The following CENPP variants were observed in gnomAD, a reference collection of about 807,000 sequenced individuals.
The protein encoded by CENPP is centromere protein P.
Under a neutral mutation model 35.6 loss-of-function variants are expected in CENPP, and 24 were observed. The ratio of observed to expected loss-of-function variants is 0.67; its 90% CI spans 0.49 to 0.95. The LOEUF (loss-of-function observed/expected upper bound fraction) is 0.95, where lower values mean the gene tolerates loss of function less well. Among genes scored for constraint, CENPP ranks in the 40% least tolerant of loss-of-function variants. CENPP has a pLI of 0.00. For missense variants in CENPP, 332 were observed against 345.3 expected, an observed-to-expected ratio of 0.96 and a Z score of 0.31; for synonymous variants, 120 against 125.5, an observed-to-expected ratio of 0.96 and a Z score of 0.29.
At chr9:92,496,206 TATA>T (rs1429539295) in intron 5 of CENPP, 31 of 1,445,116 alleles carry the variant, frequency 2.1e-5, no homozygotes, top group Non-Finnish European at 2.8e-5. Context: ...TTGACTAGCA[TATA>T]ATGATACTGA....
chr9:92,356,125 A>G (rs892078188), intron 4 of CENPP, among the ~76,000 whole-genome samples: 2 of 152,234 alleles, frequency 1.3e-5, no homozygotes, highest in African/African-American at 4.8e-5. Context: ...ACTAAAAATA[A>G]CTACTGCTTA....
At chr9:92,502,447 A>G in intron 5 of CENPP, 1 of 1,564,070 alleles carries the variant, frequency 6.4e-7, no homozygotes, top group South Asian at 1.1e-5. Flanking sequence ...CAGTTTCCAT[A>G]CTCTGTTTAA....
At chr9:92,541,676 A>T (rs921417903) in intron 5 of CENPP, among the ~76,000 whole-genome samples, 1 of 151,892 alleles carries the variant, frequency 6.6e-6, no homozygotes, top group Non-Finnish European at 1.5e-5. Context: ...TTTCATATAT[A>T]CATTTTCTTT....
chr9:92,396,093 T>A (rs1273609792), intron 5 of CENPP, among the ~76,000 whole-genome samples: 3 of 152,228 alleles, frequency 2.0e-5, no homozygotes, highest in Admixed American at 6.5e-5. Flanking sequence ...GTTGTCTGGT[T>A]CTTTCAGCAC....
Position 92,525,990 on chromosome 9 carries a change from T to C in CENPP, c.565-85324T>C, listed in dbSNP as rs529762076. On this transcript the variant is annotated intron_variant, in intron 5 of 7. Coordinates refer to ENST00000375587, the MANE Select transcript of CENPP (RefSeq NM_001012267.3). ...ATATTACTGGTTTATGTATTTACTA[T>C]ACTATACTTTTTATCATTGTTTTAG... is the stretch of plus-strand genomic sequence containing the variant. 5.9e-5 allele frequency among the ~76,000 whole-genome samples: 9 copies of C among 151,982 alleles called. No homozygotes were observed. The East Asian group carries it at 1.7e-3, about 29-fold the overall frequency.
chr9:92,380,165 A>C (rs1303353143), intron 5 of CENPP, among the ~76,000 whole-genome samples: 2 of 152,192 alleles, frequency 1.3e-5, no homozygotes, highest in Non-Finnish European at 2.9e-5. Flanking sequence ...TTAATAAAGA[A>C]TATCATCACA....
Position 92,497,961 on chromosome 9 carries a change from C to G in CENPP, c.565-113353C>G, listed in dbSNP as rs79582729. Among the ~76,000 whole-genome samples the G allele has an allele frequency of 3.9e-3, 593 of 152,158 alleles. 3 individuals carry two copies. The highest frequency in any genetic ancestry group is 0.013 in the African/African-American group (537 of 41,512). On this transcript the variant is annotated intron_variant, in intron 5 of 7. Coordinates refer to ENST00000375587, the MANE Select transcript of CENPP (RefSeq NM_001012267.3). ...CATGTAATCTCTACACACTCCATCT[C>G]CCCTTCCACCATGAGTGGAAGCAGC... is the stretch of plus-strand genomic sequence containing the variant.
In CENPP at chr9:92,401,037, TC is replaced by T. The variant is rs560862971; in HGVS notation, c.564+21180del. The T allele has an allele frequency of 1.2e-4, 95 of 825,828 alleles. 1 individual carries two copies. In the East Asian group the frequency reaches 2.1e-3, roughly 19 times the overall value. 51.2% of individuals were successfully genotyped at this position (825,828 alleles called of 1,614,324 possible). A position where few individuals can be genotyped will look rare whatever the true frequency, so the allele number is the denominator to read the frequency against. On this transcript the variant is annotated intron_variant, in intron 5 of 7. Transcript: ENST00000375587. ...TTTTTGATTACCACAAGGAATAAAG[TC>T]CATTATAGCTATTTTTAAAAGATCC...
At chr9:92,420,799 T>G (rs1372313739) in intron 5 of CENPP, among the ~76,000 whole-genome samples, 1 of 150,498 alleles carries the variant, frequency 6.6e-6, no homozygotes, top group East Asian at 1.9e-4. Flanking sequence ...TCATGATGTT[T>G]CTTTGTGCAA....
At chr9:92,460,228 G>T (rs191873815) in intron 5 of CENPP, among the ~76,000 whole-genome samples, 43 of 152,046 alleles carry the variant, frequency 2.8e-4, no homozygotes, top group Admixed American at 8.5e-4. Flanking sequence ...TAGAGATGGG[G>T]TTTTACCATG....
intron 5 of CENPP, among the ~76,000 whole-genome samples, chr9:92,492,597 T>C (rs558181326): frequency 1.3e-5 from 2 of 152,282 alleles, no homozygotes; most frequent in South Asian, 2.1e-4. Context: ...TTTGAGTATC[T>C]TTCTCCCCTC....
At chr9:92,584,507 C>A (rs966005280) in intron 5 of CENPP, among the ~76,000 whole-genome samples, 1 of 152,112 alleles carries the variant, frequency 6.6e-6, no homozygotes, top group Non-Finnish European at 1.5e-5. Context: ...CGTCACCATG[C>A]CTGGCTAAGT....
At chr9:92,398,352 C>T (rs13289189) in intron 5 of CENPP, among the ~76,000 whole-genome samples, 2,770 of 152,092 alleles carry the variant, frequency 0.018, 49 homozygotes, top group Non-Finnish European at 0.03. Context: ...TTTGACTATA[C>T]GAAACAGCAT....
intron 4 of CENPP, among the ~76,000 whole-genome samples, chr9:92,363,638 A>T (rs1202584203): frequency 6.6e-6 from 1 of 152,204 alleles, no homozygotes; most frequent in Admixed American, 6.5e-5. Context: ...GCTACACATG[A>T]CTATAAATAT....
intron 5 of CENPP, among the ~76,000 whole-genome samples, chr9:92,549,603 C>T (rs144304270): frequency 3.2e-4 from 48 of 150,350 alleles, no homozygotes; most frequent in East Asian, 9.8e-4. Flanking sequence ...GCCAAGATCG[C>T]GCCACTGCAC....
chr9:92,518,341 T>A (rs1284883859), intron 5 of CENPP, among the ~76,000 whole-genome samples: 2 of 152,128 alleles, frequency 1.3e-5, no homozygotes, highest in Non-Finnish European at 2.9e-5. Flanking sequence ...TCTTAAAGTG[T>A]CTAATTATAC....
intron 4 of CENPP, among the ~76,000 whole-genome samples, chr9:92,364,663 A>C (rs1841842518): frequency 6.6e-6 from 1 of 152,196 alleles, no homozygotes; most frequent in Admixed American, 6.6e-5. Flanking sequence ...TAAATAAATA[A>C]ATACATATAT....
At chr9:92,587,260 A>C (rs1850562590) in intron 5 of CENPP, among the ~76,000 whole-genome samples, 1 of 152,190 alleles carries the variant, frequency 6.6e-6, no homozygotes, top group African/African-American at 2.4e-5. Context: ...ACCTGAGATC[A>C]GGAGTTCAAG....
At chr9:92,462,658 G>T (rs938940033) in intron 5 of CENPP, among the ~76,000 whole-genome samples, 3 of 152,078 alleles carry the variant, frequency 2.0e-5, no homozygotes, top group Non-Finnish European at 4.4e-5. Flanking sequence ...TTTGATAACA[G>T]AATCTATTTT....
Sources: gnomAD v4.1 joint callset for allele counts (sites outside exome capture counted in the v4.1 genomes callset) on GRCh38, gnomAD v4.1.1 for gene constraint, MANE v1.5 for transcripts, NCBI Gene and HGNC (gene_info 2026-07-23, HGNC 2026-07-21) for gene names.